Variants in WNT10B observed in about 807,000 individuals in gnomAD.
WNT10B encodes the protein protein Wnt-10b.
WNT10B carries 26 observed loss-of-function variants against 32.7 expected under a neutral mutation model. The observed-to-expected ratio is 0.79, with a 90% CI of 0.58 to 1.10. WNT10B has a LOEUF of 1.10. Among genes scored for constraint, WNT10B ranks in the 50% least tolerant of loss-of-function variants. WNT10B has a pLI of 0.00. For missense variants in WNT10B, 474 were observed against 532.5 expected (o/e 0.89, Z 1.08); for synonymous variants, 204 against 220.4 (o/e 0.93, Z 0.66).
At position 48,970,488 on chromosome 12, in the gene WNT10B, G is replaced by A. The variant is rs1294380389; in HGVS notation, c.42C>T (p.Leu14=). 2 of 1,610,968 alleles carry A rather than the reference G, an allele frequency of 1.2e-6. No homozygotes were observed. Among genetic ancestry groups the A allele is most frequent in the Non-Finnish European group, 8.5e-7 (1 of 1,178,832 alleles). ...ACAACGCCAGGAACAGGAGACCCGC[G>A]AGGCCCGAGGGCGGAGGCCGCGGCC... ...EPRPRPPPSG[L]AGLLFLALCS... Residue 14 remains leucine (L), a synonymous_variant, in exon 2 of 5, where the codon CTC becomes CTT. Transcript: ENST00000301061. This position sits in a 1 kb window ranked among gnomAD's most constrained non-coding sequence, Gnocchi z 5.0.
In WNT10B at chr12:48,967,427, G is replaced by A. The variant is rs1436243767; in HGVS notation, c.711+519C>T. Among the ~76,000 whole-genome samples, 14 of 152,152 alleles carry A rather than the reference G, an allele frequency of 9.2e-5. 1 individual carries two copies. Among genetic ancestry groups the A allele is most frequent in the Non-Finnish European group, 1.2e-4 (8 of 67,994 alleles). On this transcript the variant is annotated intron_variant, in intron 4 of 4. Transcript: ENST00000301061. ...GATCCACCCGCCTCGGCCTCCCAAA[G>A]TGCTGGGATTACAGGTGTGAGCCAC...
chr12:48,966,587 G>C, intron 4 of WNT10B, 34 bp from the exon 5 acceptor site: 1 of 1,608,394 alleles, frequency 6.2e-7, no homozygotes, highest in Non-Finnish European at 8.5e-7. Flanking sequence ...GTGAAGCAGA[G>C]GGCAGCAAAT....
chr12:48,968,796 T>G (rs1046005413), intron 3 of WNT10B, among the ~76,000 whole-genome samples: 5 of 151,838 alleles, frequency 3.3e-5, no homozygotes, highest in African/African-American at 4.8e-5. Flanking sequence ...TTGTTTTTTT[T>G]TTTTTAAATT....
chr12:48,970,197 G>T lies in WNT10B; in HGVS notation c.229C>A (p.His77Asn). The change falls in exon 3 of 5, where the codon CAC becomes AAC. Residue 77 changes from histidine (H) to asparagine (N), a missense_variant. By Grantham distance (68) the His-to-Asn change is moderately conservative. Coordinates refer to ENST00000301061, the MANE Select transcript of WNT10B (RefSeq NM_003394.4). This position sits in a 1 kb window ranked among gnomAD's most constrained non-coding sequence, Gnocchi z 5.0. ...DVTASALQGL[H>N]IAVHECQHQL... ...TGCTGACACTCGTGGACCGCGATGT[G>T]CAGACCCTGAAGCGCGGACGCCGTC... The T allele has an allele frequency of 3.8e-6, 6 of 1,584,564 alleles. No individual in the cohort carries two copies. The highest frequency in any genetic ancestry group is 5.1e-6 in the Non-Finnish European group (6 of 1,166,136).
rs908225557 is a variant in WNT10B at position 48,970,632 on chromosome 12, A to G, written c.-40-63T>C. The G allele has an allele frequency of 1.9e-5, 26 of 1,369,152 alleles. No individual in the cohort carries two copies. Among genetic ancestry groups the G allele is most frequent in the Non-Finnish European group, 2.5e-5 (25 of 987,542 alleles). 84.8% of individuals were successfully genotyped at this position (1,369,152 alleles called of 1,614,324 possible). ...GGCGGCTCGCTTGGGGAACCAAGTG[A>G]CGCCCTTCTTCGGGCTCCTAACCCA... On this transcript the variant is annotated intron_variant, in intron 1 of 4. Coordinates refer to ENST00000301061, the MANE Select transcript of WNT10B (RefSeq NM_003394.4). The surrounding 1 kb of genome is among the most constrained non-coding windows in gnomAD (Gnocchi z 5.0).
chr12:48,967,927 A>G lies in WNT10B; in HGVS notation c.711+19T>C, dbSNP rs1041049669. 31 of 1,613,464 alleles carry G rather than the reference A, an allele frequency of 1.9e-5. No individual in the cohort carries two copies. Among genetic ancestry groups the G allele is most frequent in the Non-Finnish European group, 2.6e-5 (31 of 1,179,744 alleles). On this transcript the variant is annotated intron_variant, in intron 4 of 4. Transcript: ENST00000301061. ...GCCTCAAAAGCTGGGGAGACCCAGG[A>G]CAAGATGTACACACATACCTGGCGC...
Position 48,966,054 on chromosome 12 carries a change from T to C in WNT10B, c.*41A>G, listed in dbSNP as rs1453514007. The C allele has an allele frequency of 1.9e-6, 3 of 1,610,582 alleles. No homozygotes were observed. Among genetic ancestry groups the C allele is most frequent in the Non-Finnish European group, 2.5e-6 (3 of 1,178,676 alleles). On this transcript the variant is annotated 3_prime_UTR_variant, in exon 5 of 5. Coordinates refer to ENST00000301061, the MANE Select transcript of WNT10B (RefSeq NM_003394.4). Reference sequence around the variant, plus strand: ...GCAAAGGGCTGAAAAGGCGCCCCTCTCACACAGTCCTCTTCCCCAGCCCCA... The same window carrying C: ...GCAAAGGGCTGAAAAGGCGCCCCTCCCACACAGTCCTCTTCCCCAGCCCCA...
intron 3 of WNT10B, 130 bp downstream of exon 3, chr12:48,969,959 G>T (rs901300661): frequency 2.5e-6 from 3 of 1,176,768 alleles, no homozygotes; most frequent in South Asian, 4.0e-5. Context: ...GCGGCTCCGG[G>T]GGGGGCGGGG....
In WNT10B at chr12:48,967,999, G is replaced by C; in HGVS notation, c.658C>G (p.Pro220Ala). ...CGCATTCGTGCCTGGATGTCCCGGG[G>C]AGCTTCCCTGGAATCCAAGAAATCC... The part of the protein sequence containing the change: ...SRDFLDSREA[P>A]RDIQARMRIH... Residue 220 changes from proline to alanine, a missense_variant, in exon 4 of 5, where the codon CCC becomes GCC. Transcript: ENST00000301061. 2 of 1,614,218 alleles carry C rather than the reference G, an allele frequency of 1.2e-6. No homozygotes were observed. Among genetic ancestry groups the C allele is most frequent in the South Asian group, 1.1e-5 (1 of 91,090 alleles).
rs536898640 is a variant in WNT10B, at chr12:48,970,047, C to A, written c.337+42G>T. Reference sequence around the variant, plus strand: ...GCGCGCCTCGCCCTGCCGCCCACCCCCTAGCCTCCGCGGCAGCGCCGACCC... The same window carrying A: ...GCGCGCCTCGCCCTGCCGCCCACCCACTAGCCTCCGCGGCAGCGCCGACCC... On this transcript the variant is annotated intron_variant, in intron 3 of 4. Coordinates refer to ENST00000301061, the MANE Select transcript of WNT10B (RefSeq NM_003394.4). This position sits in a 1 kb window ranked among gnomAD's most constrained non-coding sequence, Gnocchi z 5.0. 1.4e-4 allele frequency: 206 copies of A among 1,458,388 alleles called. No individual in the cohort carries two copies. Among genetic ancestry groups the A allele is most frequent in the Non-Finnish European group, 1.6e-4 (182 of 1,108,894 alleles). The allele number at this position is 1,458,388 out of a possible 1,614,324, so 90.3% of individuals were successfully genotyped here. A position where few individuals can be genotyped will look rare whatever the true frequency, so the allele number is the denominator to read the frequency against.
intron 3 of WNT10B, among the ~76,000 whole-genome samples, chr12:48,969,542 C>G (rs1374827606): frequency 6.6e-6 from 1 of 151,552 alleles, no homozygotes; most frequent in African/African-American, 2.4e-5. Flanking sequence ...TGAGCAACAC[C>G]TGGAGCCCCC....
At position 48,970,506 on chromosome 12, in the gene WNT10B, C is replaced by T; in HGVS notation, c.24G>A (p.Arg8=). The T allele has an allele frequency of 1.3e-6, 2 of 1,595,874 alleles. No homozygotes were observed. Among genetic ancestry groups the T allele is most frequent in the Non-Finnish European group, 1.7e-6 (2 of 1,171,608 alleles). MLEEPRP[R]PPPSGLAGLL... ...GACCCGCGAGGCCCGAGGGCGGAGG[C>T]CGCGGCCGGGGCTCCTCCAGCATGT... The change falls in exon 2 of 5, where the codon CGG becomes CGA. Residue 8 remains arginine (R), a synonymous_variant. Coordinates refer to ENST00000301061, the MANE Select transcript of WNT10B (RefSeq NM_003394.4). The surrounding 1 kb of genome is among the most constrained non-coding windows in gnomAD (Gnocchi z 5.0).
At chr12:48,969,302 CAGGGGTGAAGCT>C (rs1940802944) in intron 3 of WNT10B, among the ~76,000 whole-genome samples, 1 of 152,202 alleles carries the variant, frequency 6.6e-6, no homozygotes, top group South Asian at 2.1e-4. Context: ...TCCAACCCTC[CAGGGGTGAAGCT>C]GTTTGCACAA....
chr12:48,966,166 G>C lies in WNT10B; in HGVS notation c.1099C>G (p.Arg367Gly). 6.2e-7 allele frequency: 1 copy of C among 1,613,622 alleles called. No individual in the cohort carries two copies. The highest frequency in any genetic ancestry group is 8.5e-7 in the Non-Finnish European group (1 of 1,179,998). Residue 367 changes from arginine to glycine, a missense_variant, in exon 5 of 5, where the codon CGC (arginine) becomes GGC (glycine). Coordinates refer to ENST00000301061, the MANE Select transcript of WNT10B (RefSeq NM_003394.4). ...AGCACATAGCAGCACCAGTGGAAGC[G>C]GCAATGGCAGCGCTCAACTCGTGTC... Reference protein sequence around the residue: ...RQTRVERCHCRFHWCCYVLCD... With the variant: ...RQTRVERCHCGFHWCCYVLCD...
At position 48,970,411 on chromosome 12, in the gene WNT10B, C is replaced by CG; in HGVS notation, c.74+44dup. 1 of 1,613,808 alleles carries CG rather than the reference C, an allele frequency of 6.2e-7. No homozygotes were observed. Among genetic ancestry groups the CG allele is most frequent in the Non-Finnish European group, 8.5e-7 (1 of 1,179,872 alleles). On this transcript the variant is annotated intron_variant, in intron 2 of 4. Coordinates refer to ENST00000301061, the MANE Select transcript of WNT10B (RefSeq NM_003394.4). This position sits in a 1 kb window ranked among gnomAD's most constrained non-coding sequence, Gnocchi z 5.0. The stretch of plus-strand genomic sequence containing the variant: ...CAGACCCCTCCAACTCTCCCCACCC[C>CG]GGGTCGGTGTTTCTATGGCCTGGGA...
rs189755508 is a variant in WNT10B, at chr12:48,966,011, C to T, written c.*84G>A. The T allele has an allele frequency of 1.7e-5, 26 of 1,529,508 alleles. No individual in the cohort carries two copies. The highest frequency in any genetic ancestry group is 2.0e-5 in the Non-Finnish European group (22 of 1,119,962). The allele number at this position is 1,529,508 out of a possible 1,614,324, so 94.7% of individuals were successfully genotyped here. A position where few individuals can be genotyped will look rare whatever the true frequency, so the allele number is the denominator to read the frequency against. On this transcript the variant is annotated 3_prime_UTR_variant, in exon 5 of 5. Coordinates refer to ENST00000301061, the MANE Select transcript of WNT10B (RefSeq NM_003394.4). ...TTAAGCTTCCAGGGACCAAGAGTGA[C>T]CTTGGAAGGAAATCAGAGCAAAGGG...
intron 4 of WNT10B, 122 bp from the exon 5 acceptor site, chr12:48,966,675 G>A (rs1940740868): frequency 1.8e-6 from 2 of 1,123,572 alleles, no homozygotes; most frequent in South Asian, 1.3e-5. Context: ...GAATAACATG[G>A]TATATCAGAA....
rs897548935 is a variant in WNT10B, at chr12:48,965,988, A to C, written c.*107T>G. The C allele has an allele frequency of 4.0e-5, 55 of 1,379,534 alleles. No homozygotes were observed. The African/African-American group carries it at 5.8e-4, about 15-fold the overall frequency. The allele number at this position is 1,379,534 out of a possible 1,614,324, so 85.5% of individuals were successfully genotyped here. On this transcript the variant is annotated 3_prime_UTR_variant, in exon 5 of 5. Coordinates refer to ENST00000301061, the MANE Select transcript of WNT10B (RefSeq NM_003394.4). The stretch of plus-strand genomic sequence containing the variant: ...AAAGCTGTTTCCAGGTAGATACTTT[A>C]AGCTTCCAGGGACCAAGAGTGACCT...
chr12:48,970,271 G>A lies in WNT10B; in HGVS notation c.155C>T (p.Ser52Phe). Residue 52 changes from serine to phenylalanine, a missense_variant, in exon 3 of 5, where the codon TCC becomes TTC. Coordinates refer to ENST00000301061, the MANE Select transcript of WNT10B (RefSeq NM_003394.4). This position sits in a 1 kb window ranked among gnomAD's most constrained non-coding sequence, Gnocchi z 5.0. ...GCCTAGCTGCCGCTTGCTCAGGCCG[G>A]ACAGCGTCAAGCACACGGTGTTGGC... is the stretch of plus-strand genomic sequence containing the variant. The part of the protein sequence containing the change: ...LTANTVCLTL[S>F]GLSKRQLGLC... 1 of 1,613,738 alleles carries A rather than the reference G, an allele frequency of 6.2e-7. No individual in the cohort carries two copies. The highest frequency in any genetic ancestry group is 8.5e-7 in the Non-Finnish European group (1 of 1,179,868).
Sources: allele counts gnomAD v4.1 joint callset (sites outside exome capture counted in the v4.1 genomes callset), GRCh38; gene constraint gnomAD v4.1.1; non-coding constraint Gnocchi (gnomAD v3.1); transcripts MANE v1.5; gene names NCBI Gene and HGNC (gene_info 2026-07-23, HGNC 2026-07-21).